Variants in RBFOX3 observed in about 807,000 individuals in gnomAD.
The protein encoded by RBFOX3 is RNA binding protein fox-1 homolog 3.
In RBFOX3, 17 loss-of-function variants were observed where a neutral mutation model predicts 48.7. The ratio of observed to expected loss-of-function variants is 0.35; its 90% CI spans 0.24 to 0.52. The LOEUF (loss-of-function observed/expected upper bound fraction) is 0.52. Ranked by LOEUF, RBFOX3 falls within the 20% of genes least tolerant of loss-of-function variation. The pLI is 0.94. For missense variants in RBFOX3, 382 were observed against 497.5 expected (o/e 0.77, Z 2.21); for synonymous variants, 212 against 209.5 (o/e 1.01, Z -0.10).
intron 1 of RBFOX3, among the ~76,000 whole-genome samples, chr17:79,603,037 C>T: frequency 1.4e-5 from 2 of 141,682 alleles, no homozygotes; most frequent in African/African-American, 5.2e-5. Context: ...GTTGCCCAGA[C>T]TGGAGTGCAG....
At chr17:79,128,524 C>T (rs2037932482) in intron 4 of RBFOX3, among the ~76,000 whole-genome samples, 1 of 152,202 alleles carries the variant, frequency 6.6e-6, no homozygotes, top group Non-Finnish European at 1.5e-5. Flanking sequence ...TCAGCTGCTT[C>T]CTCCGCCCAG....
At chr17:79,294,706 G>A (rs951125452) in intron 3 of RBFOX3, among the ~76,000 whole-genome samples, 1 of 152,158 alleles carries the variant, frequency 6.6e-6, no homozygotes, top group South Asian at 2.1e-4. Flanking sequence ...CCAGCCACGC[G>A]GCCGAACTCC....
At chr17:79,207,253 G>A (rs1452007617) in intron 4 of RBFOX3, among the ~76,000 whole-genome samples, 1 of 152,208 alleles carries the variant, frequency 6.6e-6, no homozygotes, top group African/African-American at 2.4e-5. Context: ...TGGGCTTAAT[G>A]GTTCATATTT....
intron 4 of RBFOX3, among the ~76,000 whole-genome samples, chr17:79,133,218 G>A (rs973050108): frequency 7.2e-5 from 11 of 152,294 alleles, no homozygotes; most frequent in Admixed American, 4.6e-4. Flanking sequence ...GGGCCAGTGG[G>A]AGAAGACAGA....
the RBFOX3 span, among the ~76,000 whole-genome samples, chr17:79,620,363 A>G: frequency 6.7e-6 from 1 of 148,914 alleles, no homozygotes; most frequent in African/African-American, 2.5e-5. Context: ...GGACATGGAC[A>G]CACACGGACA....
At chr17:79,157,669 G>C (rs186687201) in intron 4 of RBFOX3, among the ~76,000 whole-genome samples, 1 of 152,132 alleles carries the variant, frequency 6.6e-6, no homozygotes, top group African/African-American at 2.4e-5. Flanking sequence ...CAGCTCTGCC[G>C]GGGGACAGAG....
At chr17:79,148,956 G>C (rs1454768467) in intron 4 of RBFOX3, among the ~76,000 whole-genome samples, 1 of 152,210 alleles carries the variant, frequency 6.6e-6, no homozygotes, top group Non-Finnish European at 1.5e-5. Context: ...GGAACTTCAA[G>C]GGGCTGGAAT....
chr17:79,092,336 A>G, intron 14 of RBFOX3: 2 of 985,548 alleles, frequency 2.0e-6, no homozygotes, highest in Non-Finnish European at 2.4e-6. Context: ...CAACATCAAC[A>G]AAGTCAAAAT....
chr17:79,295,324 G>A (rs992740298), intron 3 of RBFOX3, among the ~76,000 whole-genome samples: 4 of 152,248 alleles, frequency 2.6e-5, no homozygotes, highest in African/African-American at 9.6e-5. Context: ...TTAAGGATGA[G>A]ACACAGCTGC....
chr17:79,343,353 C>T (rs1027432139), intron 2 of RBFOX3, among the ~76,000 whole-genome samples: 12 of 152,026 alleles, frequency 7.9e-5, no homozygotes, highest in African/African-American at 2.9e-4. Flanking sequence ...CCCATCTCTG[C>T]TAAAAATACA....
intron 2 of RBFOX3, among the ~76,000 whole-genome samples, chr17:79,439,947 T>C (rs2070494737): frequency 6.6e-6 from 1 of 151,772 alleles, no homozygotes; most frequent in African/African-American, 2.4e-5. Flanking sequence ...GACGGGAAAA[T>C]AGGAGAGGCG....
At chr17:79,227,929 C>T (rs1188618227) in intron 4 of RBFOX3, among the ~76,000 whole-genome samples, 6 of 152,190 alleles carry the variant, frequency 3.9e-5, no homozygotes, top group African/African-American at 4.8e-5. Context: ...CCACCAACAG[C>T]GATAAAACCC....
At chr17:79,512,568 C>T (rs1211511845) in intron 1 of RBFOX3, among the ~76,000 whole-genome samples, 1 of 150,358 alleles carries the variant, frequency 6.7e-6, no homozygotes, top group African/African-American at 2.5e-5. Flanking sequence ...AGGGGACACC[C>T]ACCCAGATAC....
At chr17:79,170,766 C>G (rs1005776965) in intron 4 of RBFOX3, among the ~76,000 whole-genome samples, 11 of 152,168 alleles carry the variant, frequency 7.2e-5, no homozygotes, top group African/African-American at 2.7e-4. Flanking sequence ...TCCTCACTCC[C>G]TGCTCAAAGA....
intron 3 of RBFOX3, among the ~76,000 whole-genome samples, chr17:79,255,616 G>A (rs767040019): frequency 2.6e-5 from 4 of 152,052 alleles, no homozygotes; most frequent in Admixed American, 6.5e-5. Context: ...TGGCGACCGC[G>A]TCTCCCAGGA....
chr17:79,558,339 C>T (rs1251566238), intron 1 of RBFOX3, among the ~76,000 whole-genome samples: 1 of 152,196 alleles, frequency 6.6e-6, no homozygotes, highest in African/African-American at 2.4e-5. Context: ...CAGGATCTCC[C>T]GCCCTGTGTG....
intron 1 of RBFOX3, among the ~76,000 whole-genome samples, chr17:79,588,785 G>A (rs1429916500): frequency 6.6e-6 from 1 of 150,468 alleles, no homozygotes; most frequent in Admixed American, 6.6e-5. Context: ...GCTTGGACCT[G>A]GGCCATATAG....
chr17:79,148,805 C>G (rs1238724126), intron 4 of RBFOX3, among the ~76,000 whole-genome samples: 3 of 152,172 alleles, frequency 2.0e-5, no homozygotes, highest in Non-Finnish European at 2.9e-5. Context: ...CTCCGAGGGC[C>G]TCTGCGGGCC....
In RBFOX3 at chr17:79,251,313, G is replaced by A. The variant is rs112607199; in HGVS notation, c.-73-15508C>T. 7.9e-3 allele frequency among the ~76,000 whole-genome samples: 1,201 copies of A among 152,220 alleles called. 17 individuals carry two copies. The highest frequency in any genetic ancestry group is 0.027 in the African/African-American group (1,142 of 41,536). On this transcript the variant is annotated intron_variant, in intron 3 of 14. Transcript: ENST00000693108. ...GTTACTGGTGCCAACGTCACTCAACGTGTGGGACAGAGAACAGACGAGGGC... is the reference window on the plus strand; with the variant it reads ...GTTACTGGTGCCAACGTCACTCAACATGTGGGACAGAGAACAGACGAGGGC...
Sources: gnomAD v4.1 joint callset for allele counts (sites outside exome capture counted in the v4.1 genomes callset) on GRCh38, gnomAD v4.1.1 for gene constraint, MANE v1.5 for transcripts, NCBI Gene and HGNC (gene_info 2026-07-23, HGNC 2026-07-21) for gene names.